ROBO1: variants seen among roughly 807,000 people sequenced by gnomAD.
ROBO1 encodes roundabout homolog 1.
In ROBO1, 149 loss-of-function variants were observed where a neutral mutation model predicts 195.9. The observed-to-expected ratio is 0.76, with a 90% confidence interval of 0.67 to 0.87. The LOEUF (loss-of-function observed/expected upper bound fraction) is 0.87. Ranked by LOEUF, ROBO1 falls within the 40% of genes least tolerant of loss-of-function variation. ROBO1 has a pLI of 0.00. For synonymous variants in ROBO1, 816 were observed against 733.2 expected (o/e 1.11, Z -1.82); for missense variants, 1,933 against 2,068.3 (o/e 0.93, Z 1.27).
At chr3:79,263,969 A>C (rs2108949151) in intron 2 of ROBO1, among the ~76,000 whole-genome samples, 1 of 152,160 alleles carries the variant, frequency 6.6e-6, no homozygotes, top group East Asian at 1.9e-4. Context: ...TACCTCCAAA[A>C]TCTACCACAA....
intron 2 of ROBO1, among the ~76,000 whole-genome samples, chr3:79,226,488 C>T (rs928916839): frequency 6.6e-6 from 1 of 151,748 alleles, no homozygotes; most frequent in Non-Finnish European, 1.5e-5. Context: ...ATCATAAAGA[C>T]AATTGTATTT....
intron 4 of ROBO1, among the ~76,000 whole-genome samples, chr3:78,860,973 T>G (rs903408282): frequency 6.6e-6 from 1 of 152,212 alleles, no homozygotes; most frequent in African/African-American, 2.4e-5. Context: ...AGTCTCAATA[T>G]GAGTTTTCAG....
At chr3:78,919,544 T>C (rs1030605106) in intron 4 of ROBO1, among the ~76,000 whole-genome samples, 13 of 152,218 alleles carry the variant, frequency 8.5e-5, no homozygotes, top group African/African-American at 2.9e-4. Flanking sequence ...ATTTACTTAG[T>C]GGATTGTCCT....
chr3:79,290,583 A>C (rs1024730448), intron 2 of ROBO1, among the ~76,000 whole-genome samples: 1 of 152,088 alleles, frequency 6.6e-6, no homozygotes, highest in South Asian at 2.1e-4. Context: ...ACCTCTCTCT[A>C]CTGTGGACCC....
intron 24 of ROBO1, 141 bp from the exon 25 acceptor site, chr3:78,631,446 A>G: frequency 1.0e-6 from 1 of 992,240 alleles, no homozygotes; most frequent in Non-Finnish European, 1.4e-6. Flanking sequence ...CATTAATTTT[A>G]AACAGAACTT....
chr3:79,189,947 T>C (rs1429560774), intron 2 of ROBO1, among the ~76,000 whole-genome samples: 2 of 151,692 alleles, frequency 1.3e-5, no homozygotes, highest in African/African-American at 4.8e-5. Flanking sequence ...AATTTAATGA[T>C]ACTGAAGCCA....
intron 1 of ROBO1, among the ~76,000 whole-genome samples, chr3:79,590,736 C>T (rs1375266341): frequency 1.3e-5 from 2 of 151,336 alleles, no homozygotes; most frequent in African/African-American, 4.8e-5. Context: ...AACCATATAA[C>T]CAAATTTTCA....
intron 2 of ROBO1, among the ~76,000 whole-genome samples, chr3:79,299,908 C>A (rs1444716607): frequency 6.6e-6 from 1 of 150,766 alleles, no homozygotes; most frequent in Non-Finnish European, 1.5e-5. Flanking sequence ...TTCAAACTTT[C>A]AGAATATTAA....
chr3:79,708,501 C>T (rs1702147943), intron 1 of ROBO1, among the ~76,000 whole-genome samples: 1 of 152,030 alleles, frequency 6.6e-6, no homozygotes, highest in African/African-American at 2.4e-5. Context: ...AGCTGAAAAT[C>T]CTAAGAGAAT....
intron 4 of ROBO1, among the ~76,000 whole-genome samples, chr3:78,806,596 T>C (rs564930368): frequency 1.3e-5 from 2 of 152,152 alleles, no homozygotes; most frequent in South Asian, 4.1e-4. Flanking sequence ...TTATAAGTCA[T>C]GTTAAGAAGT....
intron 1 of ROBO1, among the ~76,000 whole-genome samples, chr3:79,619,076 C>T (rs1360745263): frequency 6.6e-6 from 1 of 152,088 alleles, no homozygotes; most frequent in African/African-American, 2.4e-5. Context: ...CATCATTCAC[C>T]CACATTCCAC....
chr3:79,601,239 A>G (rs1944330281), intron 1 of ROBO1, among the ~76,000 whole-genome samples: 1 of 152,022 alleles, frequency 6.6e-6, no homozygotes, highest in Non-Finnish European at 1.5e-5. Context: ...GAAGGAAAGA[A>G]TCTTTATGTC....
intron 3 of ROBO1, among the ~76,000 whole-genome samples, chr3:79,047,750 A>G (rs2078621824): frequency 6.6e-6 from 1 of 152,112 alleles, no homozygotes. Flanking sequence ...TCACTTTCCC[A>G]TTCCTCCCGA....
At chr3:79,720,921 T>G in intron 1 of ROBO1, among the ~76,000 whole-genome samples, 1 of 151,696 alleles carries the variant, frequency 6.6e-6, no homozygotes, top group Non-Finnish European at 1.5e-5. Context: ...GCCTCCCGAG[T>G]AGCTGGGACT....
At chr3:78,878,542 C>CTA (rs2107227208) in intron 4 of ROBO1, among the ~76,000 whole-genome samples, 1 of 144,974 alleles carries the variant, frequency 6.9e-6, no homozygotes, top group South Asian at 2.2e-4. Flanking sequence ...CGAGATCACA[C>CTA]CACTTCACTC....
intron 2 of ROBO1, chr3:79,527,808 T>C (rs1941493637): frequency 6.6e-6 from 1 of 152,258 alleles, no homozygotes; most frequent in Non-Finnish European, 1.5e-5. Flanking sequence ...TTGATTTGCT[T>C]ACGTTTTCTT....
intron 2 of ROBO1, among the ~76,000 whole-genome samples, chr3:79,178,971 T>A (rs2081299211): frequency 6.6e-6 from 1 of 152,300 alleles, no homozygotes; most frequent in South Asian, 2.1e-4. Context: ...CTGAATTGGC[T>A]GCCAAACTTT....
At chr3:79,189,214 A>C (rs1306084589) in intron 2 of ROBO1, among the ~76,000 whole-genome samples, 2 of 151,882 alleles carry the variant, frequency 1.3e-5, no homozygotes, top group African/African-American at 4.8e-5. Flanking sequence ...AACATCAGGA[A>C]TACAGTTGCA....
intron 2 of ROBO1, among the ~76,000 whole-genome samples, chr3:79,550,066 A>G (rs566866772): frequency 6.6e-6 from 1 of 151,832 alleles, no homozygotes; most frequent in Non-Finnish European, 1.5e-5. Context: ...TCAAGGTTGC[A>G]GTGAGCTGTT....
Sources: gnomAD v4.1 joint callset for allele counts (sites outside exome capture counted in the v4.1 genomes callset) on GRCh38, gnomAD v4.1.1 for gene constraint, MANE v1.5 for transcripts, NCBI Gene and HGNC (gene_info 2026-07-23, HGNC 2026-07-21) for gene names.